Variants in ROBO1 observed in about 807,000 individuals in gnomAD.
ROBO1 encodes the protein roundabout guidance receptor 1.
A neutral mutation model predicts 195.9 loss-of-function variants in ROBO1; 149 were observed. The observed-to-expected ratio is 0.76, with a 90% CI of 0.67 to 0.87. The LOEUF (loss-of-function observed/expected upper bound fraction) is 0.87. Ranked by LOEUF, ROBO1 falls within the 40% of genes least tolerant of loss-of-function variation. The pLI is 0.00. For synonymous variants in ROBO1, 816 were observed against 733.2 expected (o/e 1.11, Z -1.82); for missense variants, 1,933 against 2,068.3 (o/e 0.93, Z 1.27).
intron 2 of ROBO1, among the ~76,000 whole-genome samples, chr3:79,347,580 T>A (rs886882457): frequency 2.6e-5 from 4 of 152,160 alleles, no homozygotes; most frequent in African/African-American, 9.6e-5. Flanking sequence ...AAGTGTGACA[T>A]CTGACATGTT....
At chr3:79,123,317 A>G (rs1265203067) in intron 3 of ROBO1, among the ~76,000 whole-genome samples, 1 of 152,006 alleles carries the variant, frequency 6.6e-6, no homozygotes, top group African/African-American at 2.4e-5. Context: ...GAATTCATAC[A>G]TTCAGACATT....
chr3:79,284,668 CTT>C (rs2031772270), intron 2 of ROBO1, among the ~76,000 whole-genome samples: 2 of 152,020 alleles, frequency 1.3e-5, no homozygotes, highest in Admixed American at 6.6e-5. Flanking sequence ...AAAGTAGAAA[CTT>C]GAGCTGGAAT....
chr3:79,748,691 T>A (rs1703981730), intron 1 of ROBO1, among the ~76,000 whole-genome samples: 1 of 152,132 alleles, frequency 6.6e-6, no homozygotes, highest in South Asian at 2.1e-4. Flanking sequence ...TTTTTTGTGC[T>A]ACTCTCATGA....
chr3:78,716,437 A>G (rs183464422), intron 7 of ROBO1, among the ~76,000 whole-genome samples: 2 of 152,092 alleles, frequency 1.3e-5, no homozygotes, highest in Non-Finnish European at 2.9e-5. Flanking sequence ...ATCAGATCTC[A>G]TGAGAACTCA....
chr3:78,868,903 TAGAACA>T (rs1160187936), intron 4 of ROBO1, among the ~76,000 whole-genome samples: 2 of 152,204 alleles, frequency 1.3e-5, no homozygotes, highest in East Asian at 1.9e-4. Flanking sequence ...GAAGTGTAGA[TAGAACA>T]AGAACAACTT....
intron 3 of ROBO1, among the ~76,000 whole-genome samples, chr3:79,110,214 GT>G (rs2108530698): frequency 6.6e-6 from 1 of 152,182 alleles, no homozygotes; most frequent in Non-Finnish European, 1.5e-5. Flanking sequence ...AGTTATTACA[GT>G]GAGTGTGAAT....
chr3:79,513,612 T>C (rs1408350321), intron 2 of ROBO1, among the ~76,000 whole-genome samples: 3 of 152,098 alleles, frequency 2.0e-5, no homozygotes, highest in Non-Finnish European at 4.4e-5. Context: ...AGCGATTAAG[T>C]CACTTTTTGA....
At position 79,584,642 on chromosome 3, in the gene ROBO1, T is replaced by A. The variant is rs562994674; in HGVS notation, c.88+5182A>T. On this transcript the variant is annotated intron_variant, in intron 2 of 30. Transcript: ENST00000464233. Reference sequence around the variant, plus strand: ...GTGTGTGTGTGTGTGTGTGTGTATGTTCATACACACACACACACATACACG... The same window carrying A: ...GTGTGTGTGTGTGTGTGTGTGTATGATCATACACACACACACACATACACG... Among the ~76,000 whole-genome samples the A allele has an allele frequency of 5.8e-3, 797 of 137,768 alleles. 1 individual carries two copies. The highest frequency in any genetic ancestry group is 5.6e-3 in the Non-Finnish European group (367 of 65,576). The allele number at this position is 137,768 out of a possible 152,430, so 90.4% of individuals were successfully genotyped here.
intron 8 of ROBO1, among the ~76,000 whole-genome samples, chr3:78,706,050 G>A (rs2081544046): frequency 6.6e-6 from 1 of 152,036 alleles, no homozygotes; most frequent in African/African-American, 2.4e-5. Context: ...CAAAGTGTGT[G>A]CCTAAGGAAC....
At chr3:78,865,221 A>C (rs1468367926) in intron 4 of ROBO1, among the ~76,000 whole-genome samples, 13 of 152,200 alleles carry the variant, frequency 8.5e-5, no homozygotes, top group Admixed American at 1.3e-4. Flanking sequence ...AACTGGAACA[A>C]AATGTATAAT....
At chr3:79,316,078 G>A (rs7610397) in intron 2 of ROBO1, among the ~76,000 whole-genome samples, 27,031 of 152,014 alleles carry the variant, frequency 0.18, 2,817 homozygotes, top group African/African-American at 0.29. Flanking sequence ...TTCAGAAGCA[G>A]CAATGTATAA....
At chr3:79,411,209 T>C (rs1012472834) in intron 2 of ROBO1, among the ~76,000 whole-genome samples, 2 of 152,114 alleles carry the variant, frequency 1.3e-5, no homozygotes. Context: ...AGAAAAGACA[T>C]TGACTATTCT....
intron 27 of ROBO1, among the ~76,000 whole-genome samples, chr3:78,615,893 G>A (rs1704083816): frequency 6.6e-6 from 1 of 152,150 alleles, no homozygotes; most frequent in South Asian, 2.1e-4. Flanking sequence ...TCCCTGAAAA[G>A]ACACTGCAAT....
intron 8 of ROBO1, among the ~76,000 whole-genome samples, chr3:78,711,467 TTC>T (rs1355430565): frequency 3.8e-5 from 4 of 106,364 alleles, no homozygotes; most frequent in African/African-American, 1.2e-4. Context: ...TTCCTTCCTT[TTC>T]TCTCTTTCTC....
At chr3:79,274,583 GTT>G (rs2030862416) in intron 2 of ROBO1, among the ~76,000 whole-genome samples, 4 of 151,742 alleles carry the variant, frequency 2.6e-5, no homozygotes. Flanking sequence ...AATGATGCAT[GTT>G]GAACTAGAAA....
At chr3:78,985,438 T>G (rs2077085217) in intron 3 of ROBO1, among the ~76,000 whole-genome samples, 1 of 152,214 alleles carries the variant, frequency 6.6e-6, no homozygotes, top group African/African-American at 2.4e-5. Flanking sequence ...AGGCTATTAG[T>G]AATTACATTT....
intron 4 of ROBO1, among the ~76,000 whole-genome samples, chr3:78,920,435 G>T (rs1390427196): frequency 1.3e-5 from 2 of 151,740 alleles, no homozygotes; most frequent in African/African-American, 2.4e-5. Flanking sequence ...CTCCTGAGTA[G>T]CTAGGATTAC....
At chr3:79,686,019 CCA>C (rs777348442) in intron 1 of ROBO1, among the ~76,000 whole-genome samples, 1 of 152,138 alleles carries the variant, frequency 6.6e-6, no homozygotes, top group Non-Finnish European at 1.5e-5. Flanking sequence ...AAAAGCTTAT[CCA>C]CCATGATCAA....
intron 2 of ROBO1, among the ~76,000 whole-genome samples, chr3:79,266,161 C>T (rs2029926660): frequency 6.6e-6 from 1 of 151,538 alleles, no homozygotes; most frequent in African/African-American, 2.4e-5. Context: ...TTCCCACACA[C>T]ATCTGCTTTT....
Sources: allele counts gnomAD v4.1 joint callset (sites outside exome capture counted in the v4.1 genomes callset), GRCh38; gene constraint gnomAD v4.1.1; transcripts MANE v1.5; gene names NCBI Gene and HGNC (gene_info 2026-07-23, HGNC 2026-07-21).